Variants in CPLANE1 observed in about 807,000 individuals in gnomAD.
The protein encoded by CPLANE1 is ciliogenesis and planar polarity effector complex subunit 1, also known as ciliogenesis and planar polarity effector 1.
CPLANE1 carries 263 observed loss-of-function variants against 362.5 expected under a neutral mutation model. That is an observed-to-expected ratio of 0.73 (90% CI 0.66 to 0.80). The LOEUF is 0.80. Ranked by LOEUF, CPLANE1 falls within the 30% of genes least tolerant of loss-of-function variation. CPLANE1 has a pLI of 0.00. For synonymous variants in CPLANE1, 1,212 were observed against 1,302.6 expected (o/e 0.93, Z 1.50); for missense variants, 3,461 against 3,793.4 (o/e 0.91, Z 2.30).
intron 8 of CPLANE1, among the ~76,000 whole-genome samples, chr5:37,235,671 C>T (rs1198675186): frequency 6.9e-6 from 1 of 144,174 alleles, no homozygotes; most frequent in Non-Finnish European, 1.5e-5. Flanking sequence ...CTCCCAGGTT[C>T]AAGCGATTCT....
At chr5:37,121,880 G>T (rs78125915) in intron 48 of CPLANE1, 96 bp from the exon 49 acceptor site, 4 of 996,464 alleles carry the variant, frequency 4.0e-6, no homozygotes, top group Non-Finnish European at 5.7e-6. Context: ...AGCATGTTCT[G>T]GTTTTTTTTT....
chr5:37,154,459 C>CTTTTTT (rs35522666), intron 41 of CPLANE1, among the ~76,000 whole-genome samples: 2 of 84,622 alleles, frequency 2.4e-5, no homozygotes, highest in African/African-American at 1.1e-4. Flanking sequence ...TGCAATAGTT[C>CTTTTTT]TTTTTTTTTT....
rs371361208 is a variant in CPLANE1, at chr5:37,167,173, G to A, written c.7274C>T (p.Ala2425Val). The change falls in exon 35 of 53, where the codon GCG (alanine) becomes GTG (valine). Residue 2425 changes from alanine (A) to valine (V), a missense_variant. This residue lies in a region of CPLANE1 where 3,380 missense variants were observed against 3,666.1 expected (regional missense o/e 0.92). Transcript: ENST00000651892. The stretch of plus-strand genomic sequence containing the variant: ...TAGTTTCTGTTGGCTTTGTTTAAAC[G>A]CAATGAGGTTTTCAAGTGGGATAAG... Reference protein sequence around the residue: ...TQLIPLENLIAFKQSQQKLTH... With the variant: ...TQLIPLENLIVFKQSQQKLTH... 3.7e-5 allele frequency: 60 copies of A among 1,612,948 alleles called. No individual in the cohort carries two copies. Among genetic ancestry groups the A allele is most frequent in the African/African-American group, 6.7e-5 (5 of 74,882 alleles).
chr5:37,238,923 A>G lies in CPLANE1; in HGVS notation c.872T>C (p.Val291Ala), dbSNP rs369448121. The G allele has an allele frequency of 9.8e-6, 15 of 1,535,510 alleles. No homozygotes were observed. In the African/African-American group the frequency reaches 1.8e-4, roughly 19 times the overall value. ...QVLFINTLNF[V>A]TLCGSLKGCS... ...TCCTTTAAGGCTACCACAGAGAGTAACAAAATTCAGTGTGTTTATAAATAA... is the reference window on the plus strand; with the variant it reads ...TCCTTTAAGGCTACCACAGAGAGTAGCAAAATTCAGTGTGTTTATAAATAA... Residue 291 changes from valine to alanine, a missense_variant, in exon 8 of 53, where the codon GTT becomes GCT. Transcript: ENST00000651892.
chr5:37,143,297 A>G (rs1356285137), intron 43 of CPLANE1, among the ~76,000 whole-genome samples: 2 of 152,234 alleles, frequency 1.3e-5, no homozygotes, highest in Admixed American at 6.5e-5. Flanking sequence ...ACCAACCATG[A>G]AAGACAGTCA....
chr5:37,125,069 G>T (rs62354985), intron 47 of CPLANE1, 175 bp downstream of exon 47: 1 of 1,365,834 alleles, frequency 7.3e-7, no homozygotes. Flanking sequence ...AGCACAATAT[G>T]CTGCAACATT....
chr5:37,151,052 A>C (rs183542094), intron 42 of CPLANE1, among the ~76,000 whole-genome samples: 1 of 152,232 alleles, frequency 6.6e-6, no homozygotes, highest in Admixed American at 6.5e-5. Flanking sequence ...GTGGTTTCCT[A>C]CTGCCTGCTT....
At position 37,154,459 on chromosome 5, in the gene CPLANE1, C is replaced by CTTTTTTTTTTTTTTTTTTTTTTTT. The variant is rs35522666; in HGVS notation, c.8120-490_8120-467dup. 1.8e-4 allele frequency among the ~76,000 whole-genome samples: 15 copies of CTTTTTTTTTTTTTTTTTTTTTTTT among 84,576 alleles called. 2 individuals carry two copies. The highest frequency in any genetic ancestry group is 3.4e-4 in the African/African-American group (6 of 17,646). The allele number at this position is 84,576 out of a possible 152,430, so 55.5% of individuals were successfully genotyped here. ...TTCTTCTCCCAAATTTGCAATAGTTCTTTTTTTTTTTTTTTTTTTTTTTTA... is the reference window on the plus strand; with the variant it reads ...TTCTTCTCCCAAATTTGCAATAGTTCTTTTTTTTTTTTTTTTTTTTTTTTTTTTTTTTTTTTTTTTTTTTTTTTA... On this transcript the variant is annotated intron_variant, in intron 41 of 52. Transcript: ENST00000651892.
chr5:37,115,703 TC>T (rs1318103074), intron 50 of CPLANE1, among the ~76,000 whole-genome samples: 1 of 151,352 alleles, frequency 6.6e-6, no homozygotes, highest in Non-Finnish European at 1.5e-5. Flanking sequence ...GTCAAATGAT[TC>T]CCCTGCCTCA....
chr5:37,167,998 G>GT (rs1778767646), intron 34 of CPLANE1, among the ~76,000 whole-genome samples: 1 of 152,070 alleles, frequency 6.6e-6, no homozygotes. Context: ...AGGAAGCATG[G>GT]TAAGTATTTT....
At chr5:37,208,662 G>C (rs1326100946) in intron 16 of CPLANE1, among the ~76,000 whole-genome samples, 1 of 143,174 alleles carries the variant, frequency 7.0e-6, no homozygotes, top group Non-Finnish European at 1.5e-5. Context: ...GGGCGATAGA[G>C]CAAGACTCTG....
intron 15 of CPLANE1, among the ~76,000 whole-genome samples, chr5:37,215,302 G>A (rs1212147387): frequency 6.6e-6 from 1 of 152,076 alleles, no homozygotes; most frequent in African/African-American, 2.4e-5. Flanking sequence ...GCCCGCCTCG[G>A]CCTCCCAAAG....
At chr5:37,140,799 G>T in intron 44 of CPLANE1, 1 of 985,150 alleles carries the variant, frequency 1.0e-6, no homozygotes, top group Non-Finnish European at 1.2e-6. Flanking sequence ...CACGGCCACA[G>T]TACCTGTTTA....
intron 8 of CPLANE1, among the ~76,000 whole-genome samples, chr5:37,233,109 T>C (rs1343290226): frequency 6.6e-6 from 1 of 152,174 alleles, no homozygotes; most frequent in Non-Finnish European, 1.5e-5. Flanking sequence ...CACATGGAGC[T>C]GCCTAAAGAA....
At chr5:37,098,409 A>AAC in the CPLANE1 span, among the ~76,000 whole-genome samples, 1 of 150,376 alleles carries the variant, frequency 6.6e-6, no homozygotes, top group South Asian at 2.1e-4. Context: ...AAAAAAAAAA[A>AAC]AAAAAACCAC....
chr5:37,123,930 T>TAC (rs56833956), intron 47 of CPLANE1, among the ~76,000 whole-genome samples: 15,659 of 144,398 alleles, frequency 0.11, 805 homozygotes, highest in Non-Finnish European at 0.13. Flanking sequence ...TAGGGGAACA[T>TAC]ACACACACAC....
At chr5:37,178,638 A>T (rs1337853366) in intron 29 of CPLANE1, among the ~76,000 whole-genome samples, 1 of 152,058 alleles carries the variant, frequency 6.6e-6, no homozygotes, top group Non-Finnish European at 1.5e-5. Flanking sequence ...AAAACACAGA[A>T]TTGTTACAAT....
intron 47 of CPLANE1, among the ~76,000 whole-genome samples, chr5:37,123,847 CA>C: frequency 6.6e-6 from 1 of 151,926 alleles, no homozygotes; most frequent in Middle Eastern, 3.4e-3. Flanking sequence ...AATTTGGACA[CA>C]ATTCTAACAA....
chr5:37,124,340 T>C (rs1460163079), intron 47 of CPLANE1, among the ~76,000 whole-genome samples: 2 of 152,184 alleles, frequency 1.3e-5, no homozygotes, highest in Non-Finnish European at 2.9e-5. Flanking sequence ...TGCTTTGTTT[T>C]ACCATCTGAA....
Sources: allele counts gnomAD v4.1 joint callset (sites outside exome capture counted in the v4.1 genomes callset), GRCh38; gene constraint gnomAD v4.1.1; regional missense constraint gnomAD v4.1.1; transcripts MANE v1.5; gene names NCBI Gene and HGNC (gene_info 2026-07-23, HGNC 2026-07-21).